The following TIPARP variants were observed in gnomAD, a reference collection of about 807,000 sequenced individuals.
TIPARP encodes TCDD inducible poly(ADP-ribose) polymerase.
A neutral mutation model predicts 56.5 loss-of-function variants in TIPARP; 12 were observed. The ratio of observed to expected loss-of-function variants is 0.21; its 90% CI spans 0.14 to 0.34. TIPARP has a LOEUF of 0.34. Ranked by LOEUF, TIPARP falls within the 10% of genes least tolerant of loss-of-function variation. The pLI is 1.00. For synonymous variants in TIPARP, 296 were observed against 265.7 expected, an observed-to-expected ratio of 1.11 and a Z score of -1.11; for missense variants, 604 against 781.6, an observed-to-expected ratio of 0.77 and a Z score of 2.71.
intron 2 of TIPARP, among the ~76,000 whole-genome samples, chr3:156,684,388 A>T (rs1722377515): frequency 6.6e-6 from 1 of 152,240 alleles, no homozygotes; most frequent in African/African-American, 2.4e-5. Context: ...TGTACAAGGA[A>T]TAAAATACTT....
chr3:156,677,205 T>A (rs1026091188), intron 1 of TIPARP, among the ~76,000 whole-genome samples: 1 of 152,220 alleles, frequency 6.6e-6, no homozygotes, highest in East Asian at 1.9e-4. Flanking sequence ...TTTGATGAAC[T>A]TTTAAAGAAA....
intron 1 of TIPARP, among the ~76,000 whole-genome samples, chr3:156,676,889 G>T (rs1480046781): frequency 6.6e-6 from 1 of 152,038 alleles, no homozygotes; most frequent in Non-Finnish European, 1.5e-5. Context: ...GCAAGAACTA[G>T]GAGGCTTTTT....
At chr3:156,679,884 G>A (rs544500559) in intron 2 of TIPARP, among the ~76,000 whole-genome samples, 4 of 152,232 alleles carry the variant, frequency 2.6e-5, no homozygotes, top group African/African-American at 9.6e-5. Flanking sequence ...AATTCTGACT[G>A]GTGCCCACAG....
At chr3:156,681,836 T>A (rs146058638) in intron 2 of TIPARP, among the ~76,000 whole-genome samples, 1 of 152,102 alleles carries the variant, frequency 6.6e-6, no homozygotes, top group Non-Finnish European at 1.5e-5. Flanking sequence ...TTCCCAGATA[T>A]AGATGCTGAG....
chr3:156,694,815 T>C (rs186374663), intron 3 of TIPARP, among the ~76,000 whole-genome samples: 2 of 152,348 alleles, frequency 1.3e-5, no homozygotes, highest in East Asian at 1.9e-4. Context: ...AAATGGACTT[T>C]AGAGATTAAT....
chr3:156,700,785 A>G lies in TIPARP; in HGVS notation c.1248-2639A>G, dbSNP rs1386330300. 2.0e-5 allele frequency among the ~76,000 whole-genome samples: 3 copies of G among 152,348 alleles called. No homozygotes were observed. In the East Asian group the frequency reaches 5.8e-4, roughly 29 times the overall value. ...TTCATCGCTGAAACTGATTTAGTAA[A>G]CATCTTTCAAAATGGTAAGGGGAAG... is the stretch of plus-strand genomic sequence containing the variant. On this transcript the variant is annotated intron_variant, in intron 4 of 5. Coordinates refer to ENST00000295924, the MANE Select transcript of TIPARP (RefSeq NM_015508.5).
chr3:156,677,634 C>T (rs1047503764), intron 1 of TIPARP, 23 bp from the exon 2 acceptor site: 5 of 1,442,848 alleles, frequency 3.5e-6, no homozygotes, highest in Middle Eastern at 1.8e-4. Context: ...TGTAAATGAT[C>T]ATCTTCCTTC....
At chr3:156,696,124 A>AG (rs1722709918) in intron 4 of TIPARP, 99 bp downstream of exon 4, 7 of 1,330,972 alleles carry the variant, frequency 5.3e-6, no homozygotes, top group Admixed American at 2.8e-5. Context: ...TACCTTGGTT[A>AG]GTACTCCTAG....
chr3:156,693,924 TATGTA>T, intron 2 of TIPARP, 91 bp from the exon 3 acceptor site: 7 of 1,319,306 alleles, frequency 5.3e-6, no homozygotes, highest in Non-Finnish European at 7.1e-6. Flanking sequence ...CAGGCTATGC[TATGTA>T]TTTTTAATGT....
At chr3:156,679,464 C>T (rs1722236735) in intron 2 of TIPARP, among the ~76,000 whole-genome samples, 1 of 152,088 alleles carries the variant, frequency 6.6e-6, no homozygotes, top group African/African-American at 2.4e-5. Flanking sequence ...GCAAAAATGG[C>T]TATATAATAA....
chr3:156,706,053 A>G lies in TIPARP; in HGVS notation c.*922A>G, dbSNP rs1223542413. ...ATAAGGTTATTACTGTGTTTTGCAC[A>G]AAGTATATTAGCAAAAGTATTTGCT... On this transcript the variant is annotated 3_prime_UTR_variant, in exon 6 of 6. Coordinates refer to ENST00000295924, the MANE Select transcript of TIPARP (RefSeq NM_015508.5). The G allele has an allele frequency of 6.6e-6, 1 of 152,662 alleles. No homozygotes were observed. Among genetic ancestry groups the G allele is most frequent in the African/African-American group, 2.4e-5 (1 of 41,450 alleles). 9.5% of individuals were successfully genotyped at this position (152,662 alleles called of 1,614,324 possible). A position where few individuals can be genotyped will look rare whatever the true frequency, so the allele number is the denominator to read the frequency against.
At position 156,705,011 on chromosome 3, in the gene TIPARP, T is replaced by C; in HGVS notation, c.1854T>C (p.Leu618=). 4 of 1,614,192 alleles carry C rather than the reference T, an allele frequency of 2.5e-6. No homozygotes were observed. Among genetic ancestry groups the C allele is most frequent in the Non-Finnish European group, 3.4e-6 (4 of 1,180,022 alleles). ...PVNPGSVTSD[L]YDSCVDNFFE... is the part of the protein sequence containing the mutation. Reference sequence around the variant, plus strand: ...ATCCTGGCAGTGTCACCAGTGACCTTTATGACTCTTGTGTGGATAATTTCT... The same window carrying C: ...ATCCTGGCAGTGTCACCAGTGACCTCTATGACTCTTGTGTGGATAATTTCT... Residue 618 remains leucine (L), a synonymous_variant, in exon 6 of 6, where the codon CTT becomes CTC. Coordinates refer to ENST00000295924, the MANE Select transcript of TIPARP (RefSeq NM_015508.5).
At chr3:156,702,047 GGTGGTGGTGGTGGTGGTGGTGGTGGTT>G (rs1338273063) in intron 4 of TIPARP, among the ~76,000 whole-genome samples, 43 of 146,062 alleles carry the variant, frequency 2.9e-4, no homozygotes, top group Admixed American at 1.8e-3. Flanking sequence ...TGGTGGTGGT[GGTGGTGGTGGTGGTGGTGGTGGTGGTT>G]GTGGTGGTGG....
At chr3:156,700,915 T>A (rs797001322) in intron 4 of TIPARP, among the ~76,000 whole-genome samples, 2 of 152,376 alleles carry the variant, frequency 1.3e-5, no homozygotes, top group South Asian at 2.1e-4. Flanking sequence ...AGAAGGCTGG[T>A]GTCCGTCTGT....
chr3:156,679,929 GT>G (rs1722250361), intron 2 of TIPARP, among the ~76,000 whole-genome samples: 1 of 149,554 alleles, frequency 6.7e-6, no homozygotes, highest in African/African-American at 2.4e-5. Flanking sequence ...GGTTTTTTTT[GT>G]TTGTTTGTTT....
At position 156,695,826 on chromosome 3, in the gene TIPARP, C is replaced by CTTTTTTTTTTTTTTTTTTTTTTTTT. The variant is rs10631452; in HGVS notation, c.1087-22_1087-21insTTTTTTTTTTTTTTTTTTTTTTTTT. On this transcript the variant is annotated intron_variant, in intron 3 of 5. Transcript: ENST00000295924. Reference sequence around the variant, plus strand: ...TTTTTAACCATGATTATTAACTTTCCTTTTTTTTTTTTTTTTTGTTCTGTT... The same window carrying CTTTTTTTTTTTTTTTTTTTTTTTTT: ...TTTTTAACCATGATTATTAACTTTCCTTTTTTTTTTTTTTTTTTTTTTTTTTTTTTTTTTTTTTTTTTGTTCTGTT... 1.1e-5 allele frequency: 11 copies of CTTTTTTTTTTTTTTTTTTTTTTTTT among 1,031,210 alleles called. 2 individuals carry two copies. The highest frequency in any genetic ancestry group is 9.1e-5 in the South Asian group (3 of 32,850). 63.9% of individuals were successfully genotyped at this position (1,031,210 alleles called of 1,614,324 possible). A position where few individuals can be genotyped will look rare whatever the true frequency, so the allele number is the denominator to read the frequency against.
At chr3:156,682,067 A>T (rs1722322179) in intron 2 of TIPARP, among the ~76,000 whole-genome samples, 1 of 152,164 alleles carries the variant, frequency 6.6e-6, no homozygotes, top group African/African-American at 2.4e-5. Flanking sequence ...GAAATTATGG[A>T]GGTTGTGCAA....
intron 1 of TIPARP, chr3:156,675,269 C>G (rs937064620): frequency 6.6e-6 from 1 of 152,372 alleles, no homozygotes; most frequent in Middle Eastern, 3.4e-3. Context: ...TTCACATTAA[C>G]TTTGAGAGCG....
chr3:156,678,930 A>T (rs1722221891), intron 2 of TIPARP, among the ~76,000 whole-genome samples: 1 of 152,210 alleles, frequency 6.6e-6, no homozygotes, highest in Non-Finnish European at 1.5e-5. Context: ...CTTTTGAAAG[A>T]AAGTCTGGCG....
Sources: gnomAD v4.1 joint callset for allele counts (sites outside exome capture counted in the v4.1 genomes callset) on GRCh38, gnomAD v4.1.1 for gene constraint, MANE v1.5 for transcripts, NCBI Gene and HGNC (gene_info 2026-07-23, HGNC 2026-07-21) for gene names.